Variants in NCAM2 observed in about 807,000 individuals in gnomAD.
The protein encoded by NCAM2 is neural cell adhesion molecule 2.
A neutral mutation model predicts 98.1 loss-of-function variants in NCAM2; 30 were observed. That is an observed-to-expected ratio of 0.31 (90% CI 0.23 to 0.41). The LOEUF is 0.41. Ranked by LOEUF, NCAM2 falls within the 10% of genes least tolerant of loss-of-function variation. NCAM2 has a pLI of 1.00. For missense variants in NCAM2, 867 were observed against 1,005.8 expected (o/e 0.86, Z 1.87); for synonymous variants, 368 against 342.4 (o/e 1.07, Z -0.83).
intron 5 of NCAM2, among the ~76,000 whole-genome samples, chr21:21,301,532 C>T (rs1213811466): frequency 2.1e-5 from 2 of 97,494 alleles, no homozygotes; most frequent in East Asian, 3.8e-4. Context: ...CTATCCCTCC[C>T]CCCTCCCCCC....
At chr21:21,342,116 T>A (rs1461568249) in intron 8 of NCAM2, among the ~76,000 whole-genome samples, 3 of 152,132 alleles carry the variant, frequency 2.0e-5, no homozygotes, top group African/African-American at 7.2e-5. Flanking sequence ...ATGGAATAAA[T>A]GATTAAGAGT....
chr21:21,303,139 C>A (rs75718905), intron 5 of NCAM2, among the ~76,000 whole-genome samples: 2 of 151,606 alleles, frequency 1.3e-5, no homozygotes, highest in East Asian at 3.9e-4. Context: ...GAAGAACGAC[C>A]TTTTGGGTAC....
intron 1 of NCAM2, among the ~76,000 whole-genome samples, chr21:21,189,009 A>G (rs1459711982): frequency 6.6e-6 from 1 of 152,206 alleles, no homozygotes; most frequent in Non-Finnish European, 1.5e-5. Context: ...AGAACCCTCC[A>G]GGGATTCCAA....
chr21:21,038,592 T>G (rs943173031), intron 1 of NCAM2, among the ~76,000 whole-genome samples: 2 of 152,200 alleles, frequency 1.3e-5, no homozygotes, highest in African/African-American at 4.8e-5. Flanking sequence ...TCCTTGCTGC[T>G]GCCAAGTGAA....
intron 1 of NCAM2, among the ~76,000 whole-genome samples, chr21:21,167,791 C>T (rs528797672): frequency 2.6e-5 from 4 of 152,168 alleles, no homozygotes; most frequent in East Asian, 1.9e-4. Flanking sequence ...TCTGACTAGG[C>T]CCTTATTAAA....
At chr21:21,210,687 G>A (rs1198024128) in intron 1 of NCAM2, 3 of 1,248,198 alleles carry the variant, frequency 2.4e-6, no homozygotes, top group East Asian at 1.1e-4. Flanking sequence ...CTTATTACAG[G>A]ACAGGTCAGC....
intron 15 of NCAM2, among the ~76,000 whole-genome samples, chr21:21,492,055 A>G (rs1286979984): frequency 1.3e-5 from 2 of 151,474 alleles, no homozygotes; most frequent in Non-Finnish European, 3.0e-5. Context: ...TTAATTTTTT[A>G]TTGTTCTACT....
At chr21:21,403,481 A>G (rs1252680187) in intron 9 of NCAM2, among the ~76,000 whole-genome samples, 1 of 152,222 alleles carries the variant, frequency 6.6e-6, no homozygotes, top group Non-Finnish European at 1.5e-5. Context: ...TGAGACATTC[A>G]TCTTTTTCCT....
At chr21:21,493,017 T>A (rs1415618700) in intron 15 of NCAM2, among the ~76,000 whole-genome samples, 1 of 151,924 alleles carries the variant, frequency 6.6e-6, no homozygotes, top group Non-Finnish European at 1.5e-5. Context: ...TTGAAAAACA[T>A]CCTATTTCTT....
chr21:21,061,278 A>G (rs965899594), intron 1 of NCAM2, among the ~76,000 whole-genome samples: 2 of 152,200 alleles, frequency 1.3e-5, no homozygotes, highest in South Asian at 4.1e-4. Flanking sequence ...AGTGTCATTT[A>G]AAGTTATTGC....
chr21:21,026,967 C>G (rs1007263364), intron 1 of NCAM2, among the ~76,000 whole-genome samples: 1 of 149,012 alleles, frequency 6.7e-6, no homozygotes, highest in Non-Finnish European at 1.5e-5. Context: ...AGTGATTCTT[C>G]TGCCTCAGCC....
chr21:21,456,786 T>A (rs1982213712), intron 12 of NCAM2, among the ~76,000 whole-genome samples: 1 of 152,116 alleles, frequency 6.6e-6, no homozygotes, highest in Admixed American at 6.5e-5. Context: ...ATGAGTAGGA[T>A]TGGTGCCCTT....
intron 1 of NCAM2, among the ~76,000 whole-genome samples, chr21:21,024,890 GAA>G (rs756802397): frequency 1.2e-3 from 152 of 125,366 alleles, no homozygotes; most frequent in African/African-American, 4.3e-3. Context: ...CCGTCTCAAA[GAA>G]AAAAAAAAAA....
intron 1 of NCAM2, among the ~76,000 whole-genome samples, chr21:21,154,013 A>G (rs1488965078): frequency 1.3e-5 from 2 of 151,890 alleles, no homozygotes; most frequent in African/African-American, 4.8e-5. Context: ...AATATGTGAT[A>G]AGTGAAAAAA....
At chr21:21,035,446 A>C (rs76213982) in intron 1 of NCAM2, among the ~76,000 whole-genome samples, 1 of 152,218 alleles carries the variant, frequency 6.6e-6, no homozygotes. Flanking sequence ...GCTATAAACT[A>C]TAAATAGCTT....
intron 1 of NCAM2, among the ~76,000 whole-genome samples, chr21:21,059,243 G>C (rs935499015): frequency 3.3e-5 from 5 of 151,900 alleles, no homozygotes; most frequent in Admixed American, 3.3e-4. Flanking sequence ...TCCAAGCCAG[G>C]AAAAAAGCTT....
chr21:21,520,664 T>G (rs1185590394), intron 16 of NCAM2, among the ~76,000 whole-genome samples: 2 of 152,138 alleles, frequency 1.3e-5, no homozygotes, highest in East Asian at 1.9e-4. Context: ...CAACAATTCT[T>G]AGATTCATAA....
At chr21:21,202,444 T>G (rs2069269222) in intron 1 of NCAM2, among the ~76,000 whole-genome samples, 1 of 128,172 alleles carries the variant, frequency 7.8e-6, no homozygotes, top group Non-Finnish European at 1.7e-5. Flanking sequence ...GAGGCGGAGT[T>G]TTGCTTTTGT....
At position 21,244,844 on chromosome 21, in the gene NCAM2, T is replaced by TAAAAAA. The variant is rs11410837; in HGVS notation, c.56-35719_56-35714dup. ...CCTGGGGACAGAGTGAGACTCTGTC[T>TAAAAAA]AAAAAAAAAAAAAAAAAAAAGGACA... On this transcript the variant is annotated intron_variant, in intron 1 of 17. Coordinates refer to ENST00000400546, the MANE Select transcript of NCAM2 (RefSeq NM_004540.5). Among the ~76,000 whole-genome samples, 106 of 99,926 alleles carry TAAAAAA rather than the reference T, an allele frequency of 1.1e-3. 5 individuals are homozygous for TAAAAAA. The highest frequency in any genetic ancestry group is 0.011 in the East Asian group (31 of 2,926). The allele number at this position is 99,926 out of a possible 152,430, so 65.6% of individuals were successfully genotyped here.
Sources: allele counts gnomAD v4.1 joint callset (sites outside exome capture counted in the v4.1 genomes callset), GRCh38; gene constraint gnomAD v4.1.1; transcripts MANE v1.5; gene names NCBI Gene and HGNC (gene_info 2026-07-23, HGNC 2026-07-21).